FHIP1A: variants seen among roughly 807,000 people sequenced by gnomAD.
FHIP1A encodes FHF complex subunit HOOK-interacting protein 1A.
FHIP1A carries 61 observed loss-of-function variants against 88.6 expected under a neutral mutation model. The ratio of observed to expected loss-of-function variants is 0.69; its 90% CI spans 0.56 to 0.85. FHIP1A has a LOEUF of 0.85. Among genes scored for constraint, FHIP1A ranks in the 40% least tolerant of loss-of-function variants. FHIP1A has a pLI of 0.00. For missense variants in FHIP1A, 1,154 were observed against 1,273.5 expected (o/e 0.91, Z 1.43); for synonymous variants, 478 against 496.0 (o/e 0.96, Z 0.48).
chr4:151,642,005 A>G (rs763966416), intron 9 of FHIP1A, among the ~76,000 whole-genome samples: 2 of 152,262 alleles, frequency 1.3e-5, no homozygotes, highest in Non-Finnish European at 2.9e-5. Context: ...ACTCATAAAT[A>G]CCAACATTTC....
intron 1 of FHIP1A, among the ~76,000 whole-genome samples, chr4:151,419,568 C>CTTTTTTTTTTTT (rs70941499): frequency 3.2e-4 from 7 of 21,988 alleles, no homozygotes; most frequent in South Asian, 2.1e-3. Context: ...GTTCCTCATT[C>CTTTTTTTTTTTT]TTTTTTTTTT....
chr4:151,627,211 C>T (rs1000982155), intron 7 of FHIP1A, among the ~76,000 whole-genome samples: 13 of 152,134 alleles, frequency 8.5e-5, no homozygotes, highest in African/African-American at 3.1e-4. Flanking sequence ...TGCTGTCCCT[C>T]CAAGTGCTTT....
intron 1 of FHIP1A, among the ~76,000 whole-genome samples, chr4:151,442,354 A>C (rs1399848153): frequency 6.6e-6 from 1 of 152,118 alleles, no homozygotes; most frequent in Non-Finnish European, 1.5e-5. Flanking sequence ...ATCAACAGAA[A>C]AACCCCCCAA....
chr4:151,448,028 C>T (rs1728668655), intron 1 of FHIP1A, among the ~76,000 whole-genome samples: 1 of 152,174 alleles, frequency 6.6e-6, no homozygotes, highest in South Asian at 2.1e-4. Flanking sequence ...TATGCCTCAG[C>T]CTCTGGAGTA....
At chr4:151,639,823 C>T (rs1024558152) in intron 9 of FHIP1A, among the ~76,000 whole-genome samples, 2 of 152,170 alleles carry the variant, frequency 1.3e-5, no homozygotes, top group Admixed American at 1.3e-4. Context: ...GCATGCGCTC[C>T]CTGCTCCTCC....
intron 3 of FHIP1A, among the ~76,000 whole-genome samples, chr4:151,485,282 G>GTTTTTTGTTTTTTTT (rs1156914780): frequency 8.4e-6 from 1 of 118,730 alleles, no homozygotes; most frequent in African/African-American, 3.4e-5. Flanking sequence ...ATCTTTTCCA[G>GTTTTTTGTTTTTTTT]TTTTTTTTTT....
intron 9 of FHIP1A, among the ~76,000 whole-genome samples, chr4:151,643,591 TC>T: frequency 6.6e-6 from 1 of 152,172 alleles, no homozygotes; most frequent in Non-Finnish European, 1.5e-5. Context: ...ACTAACTTCT[TC>T]CCCCTTCCCT....
At chr4:151,459,232 CT>C (rs1729067301) in intron 2 of FHIP1A, among the ~76,000 whole-genome samples, 1 of 151,608 alleles carries the variant, frequency 6.6e-6, no homozygotes, top group Non-Finnish European at 1.5e-5. Flanking sequence ...TATATCTTGA[CT>C]TTTGTTCCTG....
At position 151,669,556 on chromosome 4, in the gene FHIP1A, C is replaced by G. The variant is rs149813544; in HGVS notation, c.*6802C>G. Among the ~76,000 whole-genome samples, 108 of 152,232 alleles carry G rather than the reference C, an allele frequency of 7.1e-4. 1 individual carries two copies. Among genetic ancestry groups the G allele is most frequent in the African/African-American group, 2.6e-3 (106 of 41,550 alleles). On this transcript the variant is annotated 3_prime_UTR_variant, in exon 14 of 14. Coordinates refer to ENST00000435205, the MANE Select transcript of FHIP1A (RefSeq NM_001109977.3). Reference sequence around the variant, plus strand: ...TCTCCTTTCTTACAAAATAAAGATCCTGTCAGACTCCAGTCTCAGACCACC... The same window carrying G: ...TCTCCTTTCTTACAAAATAAAGATCGTGTCAGACTCCAGTCTCAGACCACC...
chr4:151,604,386 G>C (rs1408795417), intron 7 of FHIP1A, among the ~76,000 whole-genome samples: 3 of 152,098 alleles, frequency 2.0e-5, no homozygotes, highest in Non-Finnish European at 4.4e-5. Flanking sequence ...GCACCAAGGA[G>C]CCCTGGGGCT....
chr4:151,425,516 GGAAATAATAATGGTATTA>G (rs1395923457), intron 1 of FHIP1A, among the ~76,000 whole-genome samples: 4 of 151,862 alleles, frequency 2.6e-5, no homozygotes, highest in African/African-American at 9.7e-5. Flanking sequence ...TTTTTGTTAA[GGAAATAATAATGGTATTA>G]TTTTAAAAAG....
At chr4:151,563,126 T>C (rs1171501526) in intron 3 of FHIP1A, among the ~76,000 whole-genome samples, 2 of 152,104 alleles carry the variant, frequency 1.3e-5, no homozygotes, top group Non-Finnish European at 2.9e-5. Context: ...ATTAATGAGA[T>C]ATAAATATGG....
At chr4:151,661,454 T>G (rs1341382183) in intron 13 of FHIP1A, among the ~76,000 whole-genome samples, 2 of 149,420 alleles carry the variant, frequency 1.3e-5, no homozygotes, top group Non-Finnish European at 3.0e-5. Flanking sequence ...TAGTGAGATG[T>G]GGAAAGTACT....
rs760998581 is a variant in FHIP1A at position 151,566,298 on chromosome 4, G to C, written c.39G>C (p.Gln13His). Residue 13 changes from glutamine to histidine, a missense_variant, in exon 4 of 14, where the codon CAG becomes CAC. Transcript: ENST00000435205. ...TTTCGACAGAAAGCAAACTCCAGCA[G>C]GCTGTGAGCCTACAGGGAGTTGACC... ...SSVSTESKLQ[Q>H]AVSLQGVDPE... 6 of 1,550,894 alleles carry C rather than the reference G, an allele frequency of 3.9e-6. No homozygotes were observed. The South Asian group carries it at 7.1e-5, about 18-fold the overall frequency.
intron 13 of FHIP1A, among the ~76,000 whole-genome samples, chr4:151,660,806 A>G (rs767255843): frequency 6.6e-6 from 1 of 152,214 alleles, no homozygotes; most frequent in Non-Finnish European, 1.5e-5. Flanking sequence ...GTTGGTGGCA[A>G]CTGTACTGAT....
At chr4:151,461,312 G>C (rs1403838632) in intron 2 of FHIP1A, among the ~76,000 whole-genome samples, 2 of 152,142 alleles carry the variant, frequency 1.3e-5, no homozygotes, top group Admixed American at 6.5e-5. Context: ...TGCATCTCTG[G>C]GAATAGGAGA....
rs1266240597 is a variant in FHIP1A at position 151,649,630 on chromosome 4, C to T, written c.1589C>T (p.Pro530Leu). The T allele has an allele frequency of 4.5e-6, 7 of 1,551,582 alleles. No homozygotes were observed. In the African/African-American group the frequency reaches 8.2e-5, roughly 18 times the overall value. The change falls in exon 11 of 14, where the codon CCC (proline) becomes CTC (leucine). Residue 530 changes from proline to leucine, a missense_variant. Transcript: ENST00000435205. ...VWSALYDGDS[P>L]DPEMFLQSLT... ...TCCGCCCTGTATGATGGCGACTCCC[C>T]CGACCCTGAGATGTTTCTCCAGAGT... is the stretch of plus-strand genomic sequence containing the variant.
chr4:151,639,365 C>A (rs1736482536), intron 9 of FHIP1A, among the ~76,000 whole-genome samples: 1 of 152,170 alleles, frequency 6.6e-6, no homozygotes, highest in African/African-American at 2.4e-5. Context: ...AGTCAAAGTG[C>A]ACAGCTATTA....
At chr4:151,444,613 A>G (rs1434989857) in intron 1 of FHIP1A, among the ~76,000 whole-genome samples, 1 of 152,074 alleles carries the variant, frequency 6.6e-6, no homozygotes, top group Non-Finnish European at 1.5e-5. Context: ...TGTCTTTTAT[A>G]TATTTATCTC....
Sources: gnomAD v4.1 joint callset for allele counts (sites outside exome capture counted in the v4.1 genomes callset) on GRCh38, gnomAD v4.1.1 for gene constraint, MANE v1.5 for transcripts, NCBI Gene and HGNC (gene_info 2026-07-23, HGNC 2026-07-21) for gene names.